GATAD2A: variants seen among roughly 807,000 people sequenced by gnomAD.
GATAD2A encodes GATA zinc finger domain containing 2A, also known as transcriptional repressor p66-alpha.
A neutral mutation model predicts 68.5 loss-of-function variants in GATAD2A; 12 were observed. That is an observed-to-expected ratio of 0.18 (90% CI 0.11 to 0.28). The LOEUF (loss-of-function observed/expected upper bound fraction) is 0.28. Among genes scored for constraint, GATAD2A ranks in the 10% least tolerant of loss-of-function variants. GATAD2A has a pLI of 1.00. For missense variants in GATAD2A, 755 were observed against 868.5 expected (o/e 0.87, Z 1.64); for synonymous variants, 410 against 375.3 (o/e 1.09, Z -1.07).
chr19:19,407,742 C>T (rs2147063660), intron 1 of GATAD2A, among the ~76,000 whole-genome samples: 1 of 152,340 alleles, frequency 6.6e-6, no homozygotes, highest in South Asian at 2.1e-4. Context: ...AGGAACTGAA[C>T]TACAGAGTTA....
chr19:19,442,775 A>G (rs1448716668), intron 1 of GATAD2A, among the ~76,000 whole-genome samples: 1 of 151,946 alleles, frequency 6.6e-6, no homozygotes. Context: ...CAAGCTGAAA[A>G]AAAAAAAAAA....
chr19:19,455,287 C>A (rs371757052), intron 1 of GATAD2A, among the ~76,000 whole-genome samples: 2 of 151,394 alleles, frequency 1.3e-5, no homozygotes, highest in Non-Finnish European at 2.9e-5. Flanking sequence ...TTCAGGAGTT[C>A]GAGACCAGCC....
chr19:19,494,350 T>C lies in GATAD2A; in HGVS notation c.591T>C (p.Thr197=). ...VTTPPPLVRG[T]QNIPAGKPSL... is the part of the protein sequence containing the mutation. ...CCCCTCCCCCGCTTGTTCGGGGCAC[T>C]CAGAACATTCCTGCTGGCAAGCCAT... Residue 197 remains threonine, a synonymous_variant, in exon 5 of 12, where the codon ACT becomes ACC. Transcript: ENST00000683918. 1 of 1,612,136 alleles carries C rather than the reference T, an allele frequency of 6.2e-7. No homozygotes were observed.
At chr19:19,484,491 T>G (rs1297864844) in intron 2 of GATAD2A, among the ~76,000 whole-genome samples, 2 of 152,022 alleles carry the variant, frequency 1.3e-5, no homozygotes, top group Non-Finnish European at 2.9e-5. Flanking sequence ...CTGTGTCCTT[T>G]TTCTCTGTCA....
rs1239809923 is a variant in GATAD2A at position 19,494,301 on chromosome 19, G to T, written c.542G>T (p.Gly181Val). The change falls in exon 5 of 12, where the codon GGT (glycine) becomes GTT (valine). Residue 181 changes from glycine to valine, a missense_variant. Coordinates refer to ENST00000683918, the MANE Select transcript of GATAD2A (RefSeq NM_001384528.1). Reference sequence around the variant, plus strand: ...TGTCCTGCTCTCTTGCAGCCCACAGGTTCTGTTGGGAGCACCGTGACCACC... The same window carrying T: ...TGTCCTGCTCTCTTGCAGCCCACAGTTTCTGTTGGGAGCACCGTGACCACC... ...QKEATAQKPT[G>V]SVGSTVTTPP... 1.2e-6 allele frequency: 2 copies of T among 1,608,764 alleles called. No homozygotes were observed. Among genetic ancestry groups the T allele is most frequent in the Non-Finnish European group, 1.7e-6 (2 of 1,175,416 alleles).
chr19:19,396,909 A>G (rs1449093532), intron 1 of GATAD2A, among the ~76,000 whole-genome samples: 2 of 152,098 alleles, frequency 1.3e-5, no homozygotes, highest in Non-Finnish European at 2.9e-5. Context: ...AGGTTTCACC[A>G]TGTTGGCCAG....
intron 3 of GATAD2A, 30 bp from the exon 4 acceptor site, chr19:19,492,551 C>T (rs764244713): frequency 3.7e-6 from 6 of 1,613,674 alleles, no homozygotes; most frequent in Middle Eastern, 1.6e-4. Flanking sequence ...AGGACGCTCC[C>T]TCTCAACCCT....
chr19:19,423,485 G>T lies in GATAD2A; in HGVS notation c.-7+17466G>T, dbSNP rs145406383. Among the ~76,000 whole-genome samples, 805 of 152,404 alleles carry T rather than the reference G, an allele frequency of 5.3e-3. 6 individuals are homozygous for T. The highest frequency in any genetic ancestry group is 0.041 in the South Asian group (198 of 4,832). The stretch of plus-strand genomic sequence containing the variant: ...AGCTTCTGGGACTAAGAACCAGCTT[G>T]TTGGCCTGGTTCTTGGGCAAGGCCC... On this transcript the variant is annotated intron_variant, in intron 1 of 11. Coordinates refer to ENST00000683918, the MANE Select transcript of GATAD2A (RefSeq NM_001384528.1).
intron 1 of GATAD2A, among the ~76,000 whole-genome samples, chr19:19,387,039 G>T (rs1410311370): frequency 6.6e-6 from 1 of 152,112 alleles, no homozygotes; most frequent in Non-Finnish European, 1.5e-5. Context: ...ATCTCTCTGA[G>T]AGACCCTCTG....
At position 19,453,758 on chromosome 19, in the gene GATAD2A, C is replaced by T. The variant is rs375682582; in HGVS notation, c.-6-11582C>T. Among the ~76,000 whole-genome samples the T allele has an allele frequency of 2.1e-3, 318 of 151,732 alleles. 2 individuals are homozygous for T. The highest frequency in any genetic ancestry group is 0.016 in the South Asian group (79 of 4,808). ...GTGGAGCAATCTCAGCTCACTGCAA[C>T]CTCCACCTCCTGGGTTCAAGCAGTT... On this transcript the variant is annotated intron_variant, in intron 1 of 11. Transcript: ENST00000683918.
chr19:19,488,209 G>A (rs193175009), intron 2 of GATAD2A, among the ~76,000 whole-genome samples: 144 of 152,262 alleles, frequency 9.5e-4, no homozygotes, highest in African/African-American at 3.3e-3. Flanking sequence ...CATTCACGGG[G>A]CCAGCCCCAA....
chr19:19,456,478 C>G (rs1171569207), intron 1 of GATAD2A, among the ~76,000 whole-genome samples: 2 of 152,120 alleles, frequency 1.3e-5, no homozygotes, highest in African/African-American at 4.8e-5. Context: ...GCTGTGCTGC[C>G]CATATATCCA....
intron 1 of GATAD2A, among the ~76,000 whole-genome samples, chr19:19,463,150 T>A (rs1239914518): frequency 6.6e-6 from 1 of 152,124 alleles, no homozygotes. Context: ...TAAACAGGCT[T>A]TTCCCTGCCC....
At chr19:19,417,342 C>T (rs1357054379) in intron 1 of GATAD2A, among the ~76,000 whole-genome samples, 2 of 152,180 alleles carry the variant, frequency 1.3e-5, no homozygotes, top group Non-Finnish European at 2.9e-5. Flanking sequence ...GTGTCTTCCA[C>T]ACTTAGAATT....
intron 1 of GATAD2A, among the ~76,000 whole-genome samples, chr19:19,443,348 G>A (rs977275503): frequency 5.3e-5 from 8 of 152,102 alleles, no homozygotes; most frequent in Admixed American, 2.6e-4. Context: ...CCACAGGGAC[G>A]CCATTTGCAA....
intron 2 of GATAD2A, among the ~76,000 whole-genome samples, chr19:19,478,019 A>C (rs2058792149): frequency 6.6e-6 from 1 of 152,234 alleles, no homozygotes; most frequent in South Asian, 2.1e-4. Flanking sequence ...GCTGATGATT[A>C]AATAGGTTTT....
chr19:19,403,220 G>T (rs35156688), upstream of GATAD2A, among the ~76,000 whole-genome samples: 7,011 of 152,214 alleles, frequency 0.046, 247 homozygotes, highest in East Asian at 0.13. Context: ...TAATCACCCA[G>T]CTGAACTATT....
intron 1 of GATAD2A, among the ~76,000 whole-genome samples, chr19:19,430,999 G>GTGTCTC (rs1555699905): frequency 6.6e-6 from 1 of 151,492 alleles, no homozygotes; most frequent in South Asian, 2.1e-4. Context: ...GTGTGTGTGT[G>GTGTCTC]TGTGTGTGTG....
intron 1 of GATAD2A, among the ~76,000 whole-genome samples, chr19:19,427,020 T>C (rs1209400287): frequency 6.6e-6 from 1 of 151,984 alleles, no homozygotes; most frequent in African/African-American, 2.4e-5. Flanking sequence ...GACATTATGC[T>C]GAGTAAGAGA....
Sources: gnomAD v4.1 joint callset for allele counts (sites outside exome capture counted in the v4.1 genomes callset) on GRCh38, gnomAD v4.1.1 for gene constraint, MANE v1.5 for transcripts, NCBI Gene and HGNC (gene_info 2026-07-23, HGNC 2026-07-21) for gene names.